The following ANXA11 variants were observed in gnomAD, a reference collection of about 807,000 sequenced individuals.
ANXA11 encodes annexin A11, also known as 56 kDa autoantigen.
In ANXA11, 57 loss-of-function variants were observed where a neutral mutation model predicts 64.7. The observed-to-expected ratio is 0.88, with a 90% CI of 0.71 to 1.10. The LOEUF (loss-of-function observed/expected upper bound fraction) is 1.10. Ranked by LOEUF, ANXA11 falls within the 50% of genes least tolerant of loss-of-function variation. The pLI is 0.00. For missense variants in ANXA11, 675 were observed against 670.7 expected, an observed-to-expected ratio of 1.01 and a Z score of -0.07; for synonymous variants, 260 against 265.2, an observed-to-expected ratio of 0.98 and a Z score of 0.19.
At chr10:80,162,569 G>C (rs1281650702) in intron 11 of ANXA11, among the ~76,000 whole-genome samples, 1 of 152,220 alleles carries the variant, frequency 6.6e-6, no homozygotes, top group Non-Finnish European at 1.5e-5. Context: ...ACCTTTTTGA[G>C]CCTCAGTTTC....
chr10:80,160,291 A>C (rs1845455007), intron 12 of ANXA11, among the ~76,000 whole-genome samples: 1 of 152,232 alleles, frequency 6.6e-6, no homozygotes, highest in African/African-American at 2.4e-5. Context: ...GCTTTCACTC[A>C]GGCTCCATTA....
chr10:80,184,371 T>C (rs1344869662), intron 1 of ANXA11, among the ~76,000 whole-genome samples: 1 of 152,208 alleles, frequency 6.6e-6, no homozygotes, highest in Non-Finnish European at 1.5e-5. Flanking sequence ...TTTTCAACTT[T>C]ATGATGGTGC....
At chr10:80,195,887 A>AG (rs1840138350) in intron 1 of ANXA11, 1 of 152,458 alleles carries the variant, frequency 6.6e-6, no homozygotes, top group African/African-American at 2.4e-5. Flanking sequence ...AGAATAGCAC[A>AG]GGAAAGACCT....
intron 1 of ANXA11, among the ~76,000 whole-genome samples, chr10:80,184,441 G>A (rs1158830661): frequency 2.6e-5 from 4 of 152,146 alleles, no homozygotes; most frequent in African/African-American, 9.7e-5. Context: ...AAAAGTGGAG[G>A]AGCTGGTTAC....
rs79227582 is a variant in ANXA11, at chr10:80,191,697, A to T, written c.-58+13646T>A. The stretch of plus-strand genomic sequence containing the variant: ...GTGCTAACTTGAATTACCAATCAAC[A>T]TGAGTCACCAGGGGACTTGGGCCCT... On this transcript the variant is annotated intron_variant, in intron 1 of 15. Coordinates refer to ENST00000422982, the MANE Select transcript of ANXA11 (RefSeq NM_145868.2). Among the ~76,000 whole-genome samples the T allele has an allele frequency of 2.7e-3, 414 of 152,302 alleles. 10 individuals are homozygous for T. In the East Asian group the frequency reaches 0.062, roughly 23 times the overall value.
intron 1 of ANXA11, among the ~76,000 whole-genome samples, chr10:80,191,855 G>GA (rs1242744676): frequency 3.3e-5 from 5 of 152,190 alleles, no homozygotes; most frequent in Non-Finnish European, 7.3e-5. Flanking sequence ...CAGCACCTCA[G>GA]AGACGACTCA....
At chr10:80,194,097 A>C (rs2034699819) in intron 1 of ANXA11, among the ~76,000 whole-genome samples, 2 of 152,194 alleles carry the variant, frequency 1.3e-5, no homozygotes, top group African/African-American at 2.4e-5. Context: ...GGAAAGTTAA[A>C]ATAAAACACT....
At position 80,172,838 on chromosome 10, in the gene ANXA11, C is replaced by T. The variant is rs1021680729; in HGVS notation, c.24G>A (p.Pro8=). Residue 8 remains proline, a synonymous_variant, in exon 3 of 16, where the codon CCG becomes CCA. Coordinates refer to ENST00000422982, the MANE Select transcript of ANXA11 (RefSeq NM_145868.2). The part of the protein sequence containing the change: MSYPGYP[P]PPGGYPPAAP... ...CAGCTGGTGGGTAGCCACCTGGGGG[C>T]GGGGGATAGCCAGGGTAGCTCATGG... is the stretch of plus-strand genomic sequence containing the variant. 17 of 1,613,836 alleles carry T rather than the reference C, an allele frequency of 1.1e-5. No homozygotes were observed. Among genetic ancestry groups the T allele is most frequent in the African/African-American group, 6.7e-5 (5 of 74,902 alleles).
At chr10:80,195,762 A>AT (rs1326433977) in intron 1 of ANXA11, 1 of 162,830 alleles carries the variant, frequency 6.1e-6, no homozygotes, top group African/African-American at 2.4e-5. Context: ...CCTCACAATC[A>AT]TGGCTGAAGG....
intron 15 of ANXA11, 134 bp from the exon 16 acceptor site, chr10:80,156,046 T>G: frequency 1.2e-6 from 1 of 846,610 alleles, no homozygotes; most frequent in Non-Finnish European, 1.9e-6. Flanking sequence ...CCACTGCAGG[T>G]CCTGCAGCAG....
At chr10:80,172,736 T>C in intron 3 of ANXA11, 71 bp downstream of exon 3, 2 of 1,465,076 alleles carry the variant, frequency 1.4e-6, no homozygotes, top group African/African-American at 1.4e-5. Flanking sequence ...AAACTACTGT[T>C]CTCCCCTCTC....
intron 1 of ANXA11, among the ~76,000 whole-genome samples, chr10:80,199,349 G>A (rs1357965344): frequency 2.0e-5 from 3 of 151,998 alleles, no homozygotes; most frequent in Non-Finnish European, 2.9e-5. Flanking sequence ...TGCCCGCCTC[G>A]GCCTCCTAAA....
chr10:80,161,874 C>G, intron 12 of ANXA11, 61 bp downstream of exon 12: 1 of 1,424,756 alleles, frequency 7.0e-7, no homozygotes, highest in Non-Finnish European at 9.8e-7. Context: ...AGCTTTGTTT[C>G]CCCACAATCC....
At chr10:80,193,411 A>G (rs1377487527) in intron 1 of ANXA11, among the ~76,000 whole-genome samples, 1 of 152,222 alleles carries the variant, frequency 6.6e-6, no homozygotes, top group African/African-American at 2.4e-5. Context: ...GCTTCATTAT[A>G]AGCCTTTTGG....
chr10:80,172,308 C>T (rs1180874451), intron 3 of ANXA11, among the ~76,000 whole-genome samples: 7 of 152,174 alleles, frequency 4.6e-5, no homozygotes, highest in Admixed American at 3.9e-4. Context: ...CCTCCACTTC[C>T]TCTCTTGGCA....
At chr10:80,190,060 G>A (rs1204857906) in intron 1 of ANXA11, among the ~76,000 whole-genome samples, 3 of 152,208 alleles carry the variant, frequency 2.0e-5, no homozygotes, top group Admixed American at 6.5e-5. Context: ...GTCTCCAAAG[G>A]AGTCAAATTC....
chr10:80,152,313 G>A lies in ANXA11; in HGVS notation c.*3540C>T, dbSNP rs1423804476. The A allele has an allele frequency of 6.6e-6, 1 of 152,204 alleles. No individual in the cohort carries two copies. The highest frequency in any genetic ancestry group is 1.5e-5 in the Non-Finnish European group (1 of 68,054). The allele number at this position is 152,204 out of a possible 1,614,324, so 9.4% of individuals were successfully genotyped here. A position where few individuals can be genotyped will look rare whatever the true frequency, so the allele number is the denominator to read the frequency against. ...TTTTGTCCTAAGCATAATAAACAGT[G>A]TTGATCCCAACCTCCCACTGACCTT... On this transcript the variant is annotated 3_prime_UTR_variant, in exon 16 of 16. Coordinates refer to ENST00000422982, the MANE Select transcript of ANXA11 (RefSeq NM_145868.2).
chr10:80,171,025 A>T (rs1044001190), intron 3 of ANXA11, 110 bp from the exon 4 acceptor site: 8 of 1,520,254 alleles, frequency 5.3e-6, no homozygotes, highest in Non-Finnish European at 6.2e-6. Flanking sequence ...TAAAGCCTCG[A>T]GCCTCGAGCC....
chr10:80,188,448 C>G (rs958783517), intron 1 of ANXA11, among the ~76,000 whole-genome samples: 3 of 144,038 alleles, frequency 2.1e-5, no homozygotes, highest in Non-Finnish European at 4.5e-5. Context: ...GCATCCATCT[C>G]ATTACACAGC....
Sources: gnomAD v4.1 joint callset for allele counts (sites outside exome capture counted in the v4.1 genomes callset) on GRCh38, gnomAD v4.1.1 for gene constraint, MANE v1.5 for transcripts, NCBI Gene and HGNC (gene_info 2026-07-23, HGNC 2026-07-21) for gene names.